The following CRELD2 variants were observed in gnomAD, a reference collection of about 807,000 sequenced individuals.
CRELD2 encodes the protein protein disulfide isomerase CRELD2.
Under a neutral mutation model 48.1 loss-of-function variants are expected in CRELD2, and 33 were observed. That is an observed-to-expected ratio of 0.69 (90% CI 0.52 to 0.92). The LOEUF is 0.92. Ranked by LOEUF, CRELD2 falls within the 40% of genes least tolerant of loss-of-function variation. The pLI is 0.00. For missense variants in CRELD2, 477 were observed against 482.4 expected (o/e 0.99, Z 0.10); for synonymous variants, 220 against 203.9 (o/e 1.08, Z -0.67).
intron 6 of CRELD2, among the ~76,000 whole-genome samples, 172 bp downstream of exon 6, chr22:49,922,879 GA>G (rs2060712932): frequency 4.7e-5 from 3 of 64,142 alleles, no homozygotes; most frequent in Admixed American, 1.2e-4. Flanking sequence ...TGGGGGGCGT[GA>G]GGTGTGGGGG....
intron 9 of CRELD2, 38 bp downstream of exon 9, chr22:49,925,595 C>T (rs1031417972): frequency 6.2e-7 from 1 of 1,610,506 alleles, no homozygotes. Context: ...GGCTGCCCTC[C>T]CCTGGGCCGC....
At chr22:49,923,354 C>CACTCCGGGGCCTGT (rs58876072) in intron 7 of CRELD2, 37 bp downstream of exon 7, 1 of 1,528,640 alleles carries the variant, frequency 6.5e-7, no homozygotes, top group South Asian at 1.1e-5. Context: ...CCGGGGCCTG[C>CACTCCGGGGCCTGT]CGGGTTTCGT....
At chr22:49,922,077 C>T in intron 5 of CRELD2, 1 of 627,036 alleles carries the variant, frequency 1.6e-6, no homozygotes, top group Non-Finnish European at 2.7e-6. Flanking sequence ...GGGCCCCGCA[C>T]CGGCCCAGAG....
chr22:49,919,935 A>G, intron 3 of CRELD2, 95 bp downstream of exon 3: 4 of 1,003,664 alleles, frequency 4.0e-6, no homozygotes, highest in Non-Finnish European at 6.0e-6. Flanking sequence ...AACAGTAGGG[A>G]GCTCCCACCT....
At position 49,919,300 on chromosome 22, in the gene CRELD2, A is replaced by G; in HGVS notation, c.200A>G (p.Lys67Arg). 4 of 1,613,624 alleles carry G rather than the reference A, an allele frequency of 2.5e-6. No homozygotes were observed. The highest frequency in any genetic ancestry group is 3.4e-6 in the Non-Finnish European group (4 of 1,179,990). The change falls in exon 2 of 10, where the codon AAG becomes AGG. Residue 67 changes from lysine (K) to arginine (R), a missense_variant. Physicochemically the swap from Lys to Arg is conservative, Grantham distance 26 (BLOSUM62 2). Coordinates refer to ENST00000328268, the MANE Select transcript of CRELD2 (RefSeq NM_024324.5). ...GCTTGGGAGGAAAAGACGCTGTCCA[A>G]GTACGAGTCCAGGTGGGTGCCCTGG... ...NTAWEEKTLS[K>R]YESSEIRLLE...
intron 4 of CRELD2, among the ~76,000 whole-genome samples, 176 bp downstream of exon 4, chr22:49,920,423 C>T (rs192635232): frequency 1.1e-4 from 16 of 152,272 alleles, no homozygotes; most frequent in African/African-American, 3.4e-4. Flanking sequence ...CACTTCGCAC[C>T]GTCTGGCTGC....
chr22:49,927,017 C>A (rs1485884765), intron 9 of CRELD2, among the ~76,000 whole-genome samples: 1 of 148,498 alleles, frequency 6.7e-6, no homozygotes, highest in African/African-American at 2.5e-5. Context: ...CTTGCCGCTC[C>A]CAACTCTGCA....
intron 5 of CRELD2, 195 bp downstream of exon 5, chr22:49,921,956 G>A (rs190358171): frequency 6.7e-5 from 42 of 627,248 alleles, no homozygotes; most frequent in South Asian, 2.0e-4. Flanking sequence ...TTCCTGTCCC[G>A]TAACAGCCCT....
chr22:49,923,535 A>G, intron 7 of CRELD2: 1 of 665,912 alleles, frequency 1.5e-6, no homozygotes, highest in South Asian at 1.6e-5. Flanking sequence ...AACTCCCTGG[A>G]GAGCGCACCC....
At position 49,919,837 on chromosome 22, in the gene CRELD2, A is replaced by G. The variant is rs2060662366; in HGVS notation, c.320A>G (p.Gln107Arg). 1.3e-6 allele frequency: 2 copies of G among 1,597,702 alleles called. No individual in the cohort carries two copies. Among genetic ancestry groups the G allele is most frequent in the Non-Finnish European group, 1.7e-6 (2 of 1,167,894 alleles). Residue 107 changes from glutamine (Q) to arginine (R), a missense_variant, in exon 3 of 10, where the codon CAG (glutamine) becomes CGG (arginine). By Grantham distance (43) the Gln-to-Arg change is conservative. Transcript: ENST00000328268. ...GAGCACCTGGAGGCCTGGTGGCTGC[A>G]GCTGTGAGTGCCTTAAAACCTCTTA... Reference protein sequence around the residue: ...QEEHLEAWWLQLKSEYPDLFE... With the variant: ...QEEHLEAWWLRLKSEYPDLFE...
At position 49,925,568 on chromosome 22, in the gene CRELD2, CGGCTGCCCTCCACACA is replaced by C; in HGVS notation, c.1009+23_1009+38del. On this transcript the variant is annotated intron_variant, in intron 9 of 9. Coordinates refer to ENST00000328268, the MANE Select transcript of CRELD2 (RefSeq NM_024324.5). ...CGCCGGCAGAGGCTGGTGAGTGGCA[CGGCTGCCCTCCACACA>C]GGCTGCCCTCCCCTGGGCCGCAGGG... is the stretch of plus-strand genomic sequence containing the variant. 6.2e-7 allele frequency: 1 copy of C among 1,613,032 alleles called. No homozygotes were observed. Among genetic ancestry groups the C allele is most frequent in the Admixed American group, 1.7e-5 (1 of 60,026 alleles).
intron 7 of CRELD2, 53 bp from the exon 8 acceptor site, chr22:49,924,307 C>T (rs1209521990): frequency 1.5e-5 from 20 of 1,368,118 alleles, no homozygotes; most frequent in East Asian, 7.1e-5. Context: ...CGGGGTCTGA[C>T]GGGCACTGGT....
chr22:49,921,787 C>A lies in CRELD2; in HGVS notation c.592+26C>A, dbSNP rs764429242. ...GTACGGGCTACGCCTGGGCTGGCCC[C>A]GGGGTTGAGGCGGGATGACAAGAGC... On this transcript the variant is annotated intron_variant, in intron 5 of 9. Coordinates refer to ENST00000328268, the MANE Select transcript of CRELD2 (RefSeq NM_024324.5). 7 of 1,588,720 alleles carry A rather than the reference C, an allele frequency of 4.4e-6. No individual in the cohort carries two copies. The African/African-American group carries it at 6.7e-5, about 15-fold the overall frequency.
At chr22:49,922,179 T>C (rs1289880900) in intron 5 of CRELD2, 4 of 1,177,836 alleles carry the variant, frequency 3.4e-6, no homozygotes, top group African/African-American at 1.6e-5. Flanking sequence ...GTAGGAAAAC[T>C]CTGAGTGTCT....
Position 49,921,735 on chromosome 22 carries a change from G to C in CRELD2, c.566G>C (p.Arg189Pro). 1 of 1,612,288 alleles carries C rather than the reference G, an allele frequency of 6.2e-7. No individual in the cohort carries two copies. The highest frequency in any genetic ancestry group is 8.5e-7 in the Non-Finnish European group (1 of 1,179,662). ...ATGGACGGCTACTTCAGCTCGCTCC[G>C]GAACGAGACCCACAGCATCTGCACA... is the stretch of plus-strand genomic sequence containing the variant. ...DCMDGYFSSLRNETHSICTAC... is the reference protein window; with the variant it reads ...DCMDGYFSSLPNETHSICTAC... The change falls in exon 5 of 10, where the codon CGG (arginine) becomes CCG (proline). Residue 189 changes from arginine to proline, a missense_variant. Coordinates refer to ENST00000328268, the MANE Select transcript of CRELD2 (RefSeq NM_024324.5).
rs747989649 is a variant in CRELD2 at position 49,924,426 on chromosome 22, G to A, written c.839G>A (p.Gly280Asp). The A allele has an allele frequency of 1.2e-6, 2 of 1,611,202 alleles. No individual in the cohort carries two copies. The highest frequency in any genetic ancestry group is 1.7e-6 in the Non-Finnish European group (2 of 1,178,808). ...GGAAACTGTAAAGAGTGTATCTCTG[G>A]CTACGCGAGGGAGCACGGACAGTGT... ...GPGNCKECIS[G>D]YAREHGQCAD... Residue 280 changes from glycine to aspartate, a missense_variant, in exon 8 of 10, where the codon GGC becomes GAC. Physicochemically the swap from Gly to Asp is moderately conservative, Grantham distance 94. Coordinates refer to ENST00000328268, the MANE Select transcript of CRELD2 (RefSeq NM_024324.5).
intron 1 of CRELD2, 63 bp downstream of exon 1, chr22:49,918,961 G>A (rs903530742): frequency 2.3e-6 from 3 of 1,301,624 alleles, no homozygotes; most frequent in Admixed American, 3.3e-5. Flanking sequence ...CCTGCATCCG[G>A]GGTCGCCCCA....
At chr22:49,922,904 G>GC (rs1359152168) in intron 6 of CRELD2, among the ~76,000 whole-genome samples, 197 bp downstream of exon 6, 1 of 67,816 alleles carries the variant, frequency 1.5e-5, no homozygotes, top group African/African-American at 1.2e-4. Context: ...ATGAGGTGGG[G>GC]CGTGAGGTGT....
chr22:49,922,287 C>T (rs368222385), intron 5 of CRELD2: 210 of 1,518,210 alleles, frequency 1.4e-4, no homozygotes, highest in Middle Eastern at 1.0e-3. Flanking sequence ...ATTCTTACGC[C>T]CCTCAGCAGT....
Sources: allele counts gnomAD v4.1 joint callset (sites outside exome capture counted in the v4.1 genomes callset), GRCh38; gene constraint gnomAD v4.1.1; transcripts MANE v1.5; gene names NCBI Gene and HGNC (gene_info 2026-07-23, HGNC 2026-07-21).